The following AFF1 variants were observed in gnomAD, a reference collection of about 807,000 sequenced individuals.
AFF1 encodes AF4/FMR2 family member 1.
In AFF1, 48 loss-of-function variants were observed where a neutral mutation model predicts 121.7. The observed-to-expected ratio is 0.39, with a 90% CI of 0.31 to 0.50. AFF1 has a LOEUF of 0.50. AFF1 is among the 20% of genes least tolerant of loss of function. AFF1 has a pLI of 0.76. For synonymous variants in AFF1, 613 were observed against 563.0 expected (o/e 1.09, Z -1.26); for missense variants, 1,523 against 1,511.7 (o/e 1.01, Z -0.12).
At chr4:87,119,071 T>G (rs1727410191) in intron 12 of AFF1, among the ~76,000 whole-genome samples, 1 of 152,108 alleles carries the variant, frequency 6.6e-6, no homozygotes, top group African/African-American at 2.4e-5. Context: ...TTATATCCAG[T>G]CAGGGTGGGT....
chr4:86,942,407 T>C (rs1361480260), intron 1 of AFF1, among the ~76,000 whole-genome samples: 2 of 152,206 alleles, frequency 1.3e-5, no homozygotes, highest in East Asian at 3.9e-4. Flanking sequence ...AATAAACATT[T>C]ATTTATTTAG....
chr4:87,014,977 A>G (rs988377424), intron 2 of AFF1, among the ~76,000 whole-genome samples: 1 of 152,182 alleles, frequency 6.6e-6, no homozygotes, highest in Non-Finnish European at 1.5e-5. Context: ...AAGATGGCCT[A>G]TTTAGTAAGT....
chr4:86,948,382 C>G (rs1721018795), intron 1 of AFF1, 116 bp from the exon 2 acceptor site: 5 of 651,088 alleles, frequency 7.7e-6, no homozygotes, highest in Non-Finnish European at 1.2e-5. Context: ...GAACCATTTT[C>G]TAATTCAAAT....
chr4:87,125,390 C>A (rs558721002), intron 13 of AFF1: 1 of 313,132 alleles, frequency 3.2e-6, no homozygotes, highest in Non-Finnish European at 5.8e-6. Context: ...CTTTAGACAT[C>A]TGGATTTTTT....
At chr4:87,018,741 G>A (rs1217030407) in intron 2 of AFF1, among the ~76,000 whole-genome samples, 3 of 152,166 alleles carry the variant, frequency 2.0e-5, no homozygotes, top group Non-Finnish European at 4.4e-5. Context: ...TTTTAATAAA[G>A]GCAAAGTGAG....
chr4:87,068,154 G>T (rs1721568229), intron 4 of AFF1, among the ~76,000 whole-genome samples: 1 of 47,026 alleles, frequency 2.1e-5, no homozygotes, highest in African/African-American at 1.6e-4. Context: ...TCCCTCTAGA[G>T]TTTTAAAATT....
In AFF1 at chr4:86,976,690, G is replaced by C. The variant is rs115369964; in HGVS notation, c.38+28119G>C. Among the ~76,000 whole-genome samples, 399 of 152,246 alleles carry C rather than the reference G, an allele frequency of 2.6e-3. 2 individuals carry two copies. Among genetic ancestry groups the C allele is most frequent in the African/African-American group, 9.1e-3 (379 of 41,522 alleles). On this transcript the variant is annotated intron_variant, in intron 2 of 20. Transcript: ENST00000395146. The stretch of plus-strand genomic sequence containing the variant: ...TTACCTGGGTGACGAAATAATCTGT[G>C]CACCAAGCTCCCACAACATGCAATT...
At chr4:86,974,078 C>A (rs1723124652) in intron 2 of AFF1, 1 of 152,158 alleles carries the variant, frequency 6.6e-6, no homozygotes, top group African/African-American at 2.4e-5. Flanking sequence ...CCTGGTAATT[C>A]TTTTTCTTTT....
At chr4:86,997,167 C>G (rs1321447065) in intron 2 of AFF1, among the ~76,000 whole-genome samples, 2 of 152,122 alleles carry the variant, frequency 1.3e-5, no homozygotes, top group East Asian at 3.9e-4. Context: ...CCGCCTTGGC[C>G]CCCCAAAGTG....
rs397994396 is a variant in AFF1 at position 87,115,625 on chromosome 4, T to TTTTTTTTTTTTTTTTTTTTC, written c.2466+326_2466+327insTTTTTTTTTTTTTTTTTTTC. Reference sequence around the variant, plus strand: ...AACCCACCTCTTTTTTTTTTTTTTTTCCAAAGACAGGCCCTTGCTCTGTTG... The same window carrying TTTTTTTTTTTTTTTTTTTTC: ...AACCCACCTCTTTTTTTTTTTTTTTTTTTTTTTTTTTTTTTTTTTCCCAAAGACAGGCCCTTGCTCTGTTG... On this transcript the variant is annotated intron_variant, in intron 12 of 20. Transcript: ENST00000395146. Among the ~76,000 whole-genome samples, 23 of 102,956 alleles carry TTTTTTTTTTTTTTTTTTTTC rather than the reference T, an allele frequency of 2.2e-4. 6 individuals are homozygous for TTTTTTTTTTTTTTTTTTTTC. The highest frequency in any genetic ancestry group is 7.2e-4 in the Admixed American group (5 of 6,938). 67.5% of individuals were successfully genotyped at this position (102,956 alleles called of 152,430 possible). A position where few individuals can be genotyped will look rare whatever the true frequency, so the allele number is the denominator to read the frequency against.
At chr4:87,065,128 C>G (rs1189037989) in intron 4 of AFF1, among the ~76,000 whole-genome samples, 1 of 152,150 alleles carries the variant, frequency 6.6e-6, no homozygotes, top group East Asian at 1.9e-4. Context: ...AAAGACATAC[C>G]TGAGACTGGG....
chr4:87,007,151 T>A, intron 2 of AFF1: 1 of 1,286,534 alleles, frequency 7.8e-7, no homozygotes. Flanking sequence ...CTCCCCGGGC[T>A]CGTCTGAAGT....
intron 2 of AFF1, among the ~76,000 whole-genome samples, chr4:87,030,336 C>G (rs903158236): frequency 9.2e-5 from 14 of 152,160 alleles, no homozygotes; most frequent in African/African-American, 2.7e-4. Flanking sequence ...TCACTATGTT[C>G]CAATGAATCT....
At chr4:87,100,720 A>G (rs1436963108) in intron 8 of AFF1, among the ~76,000 whole-genome samples, 1 of 152,212 alleles carries the variant, frequency 6.6e-6, no homozygotes, top group Admixed American at 6.5e-5. Context: ...ATTCTACACG[A>G]TAAACTTGAT....
intron 13 of AFF1, 71 bp downstream of exon 13, chr4:87,125,214 A>T: frequency 8.6e-7 from 1 of 1,161,754 alleles, no homozygotes. Context: ...ATAGCAAAGA[A>T]ATTTTTCTTC....
chr4:86,999,428 TGATA>T (rs1725509106), intron 2 of AFF1, among the ~76,000 whole-genome samples: 1 of 152,188 alleles, frequency 6.6e-6, no homozygotes, highest in African/African-American at 2.4e-5. Context: ...TAAGTCTCAT[TGATA>T]GATATCTCTC....
chr4:87,082,583 C>T (rs1262114561), intron 4 of AFF1, among the ~76,000 whole-genome samples: 2 of 151,878 alleles, frequency 1.3e-5, no homozygotes, highest in Non-Finnish European at 2.9e-5. Context: ...AACTGGGTTA[C>T]GAGACTGGCT....
At position 87,138,108 on chromosome 4, in the gene AFF1, G is replaced by A. The variant is rs1308535079; in HGVS notation, c.*2407G>A. ...GTAACAAATGTGCATAGATCAATTT[G>A]TACTACTTTGGTCATTGGATATTTC... On this transcript the variant is annotated 3_prime_UTR_variant, in exon 21 of 21. Transcript: ENST00000395146. 8.9e-6 allele frequency: 2 copies of A among 225,528 alleles called. No homozygotes were observed. Among genetic ancestry groups the A allele is most frequent in the Admixed American group, 5.8e-5 (1 of 17,328 alleles). The allele number at this position is 225,528 out of a possible 1,614,324, so 14.0% of individuals were successfully genotyped here. A position where few individuals can be genotyped will look rare whatever the true frequency, so the allele number is the denominator to read the frequency against.
rs866909297 is a variant in AFF1 at position 87,135,693 on chromosome 4, A to G, written c.3649A>G (p.Thr1217Ala). 14 of 1,611,398 alleles carry G rather than the reference A, an allele frequency of 8.7e-6. No individual in the cohort carries two copies. Among genetic ancestry groups the G allele is most frequent in the African/African-American group, 1.3e-5 (1 of 74,958 alleles). The change falls in exon 21 of 21, where the codon ACA becomes GCA. Residue 1217 changes from threonine (T) to alanine (A), a missense_variant. By Grantham distance (58) the Thr-to-Ala change is moderately conservative. Coordinates refer to ENST00000395146, the MANE Select transcript of AFF1 (RefSeq NM_001166693.3). ...TCAGCAGCTACAAGAATTAACCAAA[A>G]CACCTTAATGGAGCCCCAGGTTGAT... ...GFQQLQELTK[T>A]P is the part of the protein sequence containing the mutation.
Sources: allele counts gnomAD v4.1 joint callset (sites outside exome capture counted in the v4.1 genomes callset), GRCh38; gene constraint gnomAD v4.1.1; transcripts MANE v1.5; gene names NCBI Gene and HGNC (gene_info 2026-07-23, HGNC 2026-07-21).